The following CELF2 variants were observed in gnomAD, a reference collection of about 807,000 sequenced individuals.
CELF2 encodes the protein CUGBP Elav-like family member 2.
In CELF2, 8 loss-of-function variants were observed where a neutral mutation model predicts 62.6. The observed-to-expected ratio is 0.13, with a 90% CI of 0.07 to 0.23. The LOEUF is 0.23. Ranked by LOEUF, CELF2 falls within the 10% of genes least tolerant of loss-of-function variation. The pLI is 1.00. For synonymous variants in CELF2, 258 were observed against 250.0 expected (o/e 1.03, Z -0.30); for missense variants, 333 against 671.0 (o/e 0.50, Z 5.56).
chr10:11,306,993 G>A lies in CELF2; in HGVS notation c.977-7146G>A, dbSNP rs11814383. On this transcript the variant is annotated intron_variant, in intron 9 of 12. Transcript: ENST00000633077. This position sits in a 1 kb window ranked among gnomAD's most constrained non-coding sequence, Gnocchi z 4.4. ...CTAGGCTGCCCCATGCTCATAGGCT[G>A]TGCGTGTATCTGTGCCTAAGGAGTT... Among the ~76,000 whole-genome samples, 56,668 of 151,914 alleles carry A rather than the reference G, an allele frequency of 0.37. 10,791 individuals carry two copies. Among genetic ancestry groups the A allele is most frequent in the Admixed American group, 0.43 (6,625 of 15,272 alleles).
intron 2 of CELF2, among the ~76,000 whole-genome samples, chr10:10,982,475 G>C (rs2052258278): frequency 6.6e-6 from 1 of 152,192 alleles, no homozygotes; most frequent in South Asian, 2.1e-4. Context: ...GGAATCTGGA[G>C]ATCTTGGGGG....
intron 2 of CELF2, among the ~76,000 whole-genome samples, chr10:10,988,867 A>G (rs906807386): frequency 1.3e-5 from 2 of 152,130 alleles, no homozygotes; most frequent in African/African-American, 4.8e-5. Context: ...TAAATCATGG[A>G]ACCCAAATAA....
At chr10:10,853,078 A>G (rs564010600) in intron 1 of CELF2, among the ~76,000 whole-genome samples, 1 of 152,280 alleles carries the variant, frequency 6.6e-6, no homozygotes, top group African/African-American at 2.4e-5. Context: ...TCCTGGGTTT[A>G]AGTGATTCTC....
Position 11,336,262 on chromosome 10 carries a change from T to G in CELF2, c.*7209T>G, listed in dbSNP as rs1383435885. On this transcript the variant is annotated 3_prime_UTR_variant, in exon 13 of 13. Coordinates refer to ENST00000633077, the MANE Select transcript of CELF2 (RefSeq NM_001326342.2). The surrounding 1 kb of genome is among the most constrained non-coding windows in gnomAD (Gnocchi z 5.4). Reference sequence around the variant, plus strand: ...GCTTATTCACTTATCAGGAATCGACTGTTCTGCTAATTTGCTGTTGTTGTT... The same window carrying G: ...GCTTATTCACTTATCAGGAATCGACGGTTCTGCTAATTTGCTGTTGTTGTT... 1 of 152,694 alleles carries G rather than the reference T, an allele frequency of 6.5e-6. No individual in the cohort carries two copies. Among genetic ancestry groups the G allele is most frequent in the Non-Finnish European group, 1.5e-5 (1 of 68,056 alleles). 9.5% of individuals were successfully genotyped at this position (152,694 alleles called of 1,614,324 possible).
chr10:10,630,561 G>A, the CELF2 span, among the ~76,000 whole-genome samples: 1 of 152,166 alleles, frequency 6.6e-6, no homozygotes, highest in Non-Finnish European at 1.5e-5. Context: ...AGACCCACTG[G>A]GTAGAGATTG....
At chr10:11,041,890 A>G (rs2061906666) in intron 1 of CELF2, among the ~76,000 whole-genome samples, 1 of 152,206 alleles carries the variant, frequency 6.6e-6, no homozygotes, top group Non-Finnish European at 1.5e-5. Flanking sequence ...ATTTTCATAT[A>G]TTTGGTGCAT....
At chr10:11,293,222 A>G (rs534007954) in intron 9 of CELF2, among the ~76,000 whole-genome samples, 2 of 152,310 alleles carry the variant, frequency 1.3e-5, no homozygotes, top group African/African-American at 4.8e-5. Context: ...AATCTAATAC[A>G]TCACTAATAC....
At chr10:10,982,326 A>G (rs2136421067) in intron 2 of CELF2, among the ~76,000 whole-genome samples, 1 of 152,294 alleles carries the variant, frequency 6.6e-6, no homozygotes, top group Middle Eastern at 3.4e-3. Context: ...TAGAAATGAT[A>G]GGTAGAGGTG....
At chr10:11,176,306 G>A (rs2071089417) in intron 2 of CELF2, among the ~76,000 whole-genome samples, 1 of 152,216 alleles carries the variant, frequency 6.6e-6, no homozygotes, top group Non-Finnish European at 1.5e-5. Flanking sequence ...AAAATGTACA[G>A]TCCTCTTATT....
chr10:10,873,149 C>T (rs945472105), intron 1 of CELF2, among the ~76,000 whole-genome samples: 3 of 152,072 alleles, frequency 2.0e-5, no homozygotes, highest in Non-Finnish European at 2.9e-5. Context: ...AAGATTTTGT[C>T]ATGAAATCTA....
chr10:10,817,083 A>G (rs552985805), intron 1 of CELF2, among the ~76,000 whole-genome samples: 24 of 152,282 alleles, frequency 1.6e-4, no homozygotes, highest in African/African-American at 5.3e-4. Flanking sequence ...GGACGGTGGG[A>G]GAGTGTGCAA....
At chr10:11,023,619 T>C (rs917155000) in intron 1 of CELF2, among the ~76,000 whole-genome samples, 2 of 152,216 alleles carry the variant, frequency 1.3e-5, no homozygotes, top group African/African-American at 4.8e-5. Context: ...CCTAAAGGAC[T>C]TTTAAAAGAA....
the CELF2 span, among the ~76,000 whole-genome samples, chr10:10,639,615 CT>C: frequency 3.9e-5 from 6 of 152,064 alleles, no homozygotes; most frequent in Admixed American, 1.3e-4. Context: ...CTTTAAAATC[CT>C]TCAAAAACAT....
chr10:11,016,690 C>T (rs759915651), upstream of CELF2, among the ~76,000 whole-genome samples: 13 of 152,160 alleles, frequency 8.5e-5, no homozygotes, highest in Non-Finnish European at 1.5e-4. The surrounding 1 kb of genome is among the most constrained non-coding windows in gnomAD (Gnocchi z 5.2). Context: ...GTGATGGTAT[C>T]CTCAGGCATA....
In CELF2 at chr10:11,157,824, G is replaced by C. The variant is rs770485383; in HGVS notation, c.75-7662G>C. On this transcript the variant is annotated intron_variant, in intron 1 of 12. Transcript: ENST00000633077. This position sits in a 1 kb window ranked among gnomAD's most constrained non-coding sequence, Gnocchi z 4.9. Reference sequence around the variant, plus strand: ...AGGGTTGTGAATCCGCACTGACCGTGTTCTCTTGCATAAATAAGTCCAGGC... The same window carrying C: ...AGGGTTGTGAATCCGCACTGACCGTCTTCTCTTGCATAAATAAGTCCAGGC... Among the ~76,000 whole-genome samples the C allele has an allele frequency of 6.6e-6, 1 of 152,202 alleles. No homozygotes were observed. The highest frequency in any genetic ancestry group is 1.5e-5 in the Non-Finnish European group (1 of 68,038).
chr10:11,234,283 C>G (rs894620700), intron 3 of CELF2, among the ~76,000 whole-genome samples: 9 of 152,178 alleles, frequency 5.9e-5, no homozygotes, highest in Admixed American at 2.0e-4. Flanking sequence ...ATTGTCAGAG[C>G]CCGGCTTAAC....
At chr10:10,497,140 G>A in the CELF2 span, among the ~76,000 whole-genome samples, 1 of 150,890 alleles carries the variant, frequency 6.6e-6, no homozygotes, top group Admixed American at 6.6e-5. Context: ...AGCCGAGATC[G>A]CGCCACTGCA....
chr10:11,031,507 A>G (rs1003761283), intron 1 of CELF2, among the ~76,000 whole-genome samples: 1 of 152,236 alleles, frequency 6.6e-6, no homozygotes, highest in Non-Finnish European at 1.5e-5. Flanking sequence ...AAGTTAGAGT[A>G]GAATTCATGC....
intron 1 of CELF2, among the ~76,000 whole-genome samples, chr10:11,109,854 A>G (rs2054653573): frequency 6.6e-6 from 1 of 152,168 alleles, no homozygotes; most frequent in African/African-American, 2.4e-5. Flanking sequence ...CTTTGTAGCA[A>G]AAGGAAATTT....
Sources: allele counts gnomAD v4.1 joint callset (sites outside exome capture counted in the v4.1 genomes callset), GRCh38; gene constraint gnomAD v4.1.1; non-coding constraint Gnocchi (gnomAD v3.1); transcripts MANE v1.5; gene names NCBI Gene and HGNC (gene_info 2026-07-23, HGNC 2026-07-21).